Variants in DNM3 observed in about 807,000 individuals in gnomAD.
DNM3 encodes the protein dynamin 3.
A neutral mutation model predicts 101.6 loss-of-function variants in DNM3; 47 were observed. That is an observed-to-expected ratio of 0.46 (90% CI 0.37 to 0.59). The LOEUF is 0.59. Ranked by LOEUF, DNM3 falls within the 20% of genes least tolerant of loss-of-function variation. The probability of loss-of-function intolerance (pLI) is 0.00; values close to 1 mark genes in which losing one functional copy is unlikely to be tolerated. For synonymous variants in DNM3, 385 were observed against 387.9 expected (o/e 0.99, Z 0.09); for missense variants, 849 against 1,085.7 (o/e 0.78, Z 3.06).
At chr1:172,179,441 A>G (rs2059268850) in intron 14 of DNM3, among the ~76,000 whole-genome samples, 2 of 152,036 alleles carry the variant, frequency 1.3e-5, no homozygotes, top group African/African-American at 4.8e-5. Context: ...TATAATTATC[A>G]TTAAAGTGAT....
At chr1:172,186,632 C>G (rs1031834153) in intron 14 of DNM3, among the ~76,000 whole-genome samples, 3 of 152,036 alleles carry the variant, frequency 2.0e-5, no homozygotes, top group African/African-American at 7.2e-5. Flanking sequence ...CTTGCTTCTT[C>G]AAGGGACTTC....
chr1:172,413,173 T>C (rs1275263862), downstream of DNM3, among the ~76,000 whole-genome samples: 4 of 152,222 alleles, frequency 2.6e-5, no homozygotes, highest in African/African-American at 9.7e-5. Context: ...GCCTCTGTTA[T>C]TTGTTCACTG....
chr1:172,012,128 A>G (rs1242448186), intron 4 of DNM3, among the ~76,000 whole-genome samples: 2 of 151,970 alleles, frequency 1.3e-5, no homozygotes, highest in African/African-American at 4.8e-5. Context: ...CAATAAGTAG[A>G]CTCAAACATG....
intron 2 of DNM3, among the ~76,000 whole-genome samples, chr1:171,986,504 A>G (rs1416072764): frequency 1.3e-5 from 2 of 152,182 alleles, no homozygotes; most frequent in African/African-American, 4.8e-5. Context: ...TGCAGTAACT[A>G]AAGTGCCCGT....
chr1:171,919,150 G>T (rs2039956635), intron 1 of DNM3, among the ~76,000 whole-genome samples: 1 of 149,870 alleles, frequency 6.7e-6, no homozygotes, highest in Non-Finnish European at 1.5e-5. Flanking sequence ...TTTATATCCT[G>T]ACTTAAATTT....
chr1:172,152,870 AG>A (rs1178268298), intron 14 of DNM3, among the ~76,000 whole-genome samples: 2 of 152,186 alleles, frequency 1.3e-5, no homozygotes, highest in Non-Finnish European at 2.9e-5. Context: ...TAACTGTGTA[AG>A]ATAACTTGCT....
intron 13 of DNM3, among the ~76,000 whole-genome samples, chr1:172,106,534 C>T (rs1488721848): frequency 6.6e-6 from 1 of 152,030 alleles, no homozygotes; most frequent in East Asian, 1.9e-4. Flanking sequence ...ATAACAAACC[C>T]CCATGACACA....
chr1:172,359,648 T>C (rs2067641924), intron 17 of DNM3, among the ~76,000 whole-genome samples: 4 of 151,020 alleles, frequency 2.6e-5, no homozygotes, highest in Admixed American at 2.6e-4. Flanking sequence ...AAACCTTAAG[T>C]AGCTCTTGGC....
At chr1:171,919,583 A>G (rs1477125123) in intron 1 of DNM3, among the ~76,000 whole-genome samples, 2 of 152,140 alleles carry the variant, frequency 1.3e-5, no homozygotes, top group Non-Finnish European at 1.5e-5. Flanking sequence ...TTTGATTCTC[A>G]AATTAACCTG....
At chr1:172,076,843 G>A (rs577402862) in intron 11 of DNM3, among the ~76,000 whole-genome samples, 2 of 152,214 alleles carry the variant, frequency 1.3e-5, no homozygotes, top group Non-Finnish European at 2.9e-5. Flanking sequence ...ATGAGTTAGG[G>A]AGGAGTTCCT....
chr1:172,080,035 G>T lies in DNM3; in HGVS notation c.1423-1797G>T, dbSNP rs953962846. ...GGCACCCACCAGATGCCAGCCGGGG[G>T]TCTCCTGTATGAGGTGTCTGTTGAT... On this transcript the variant is annotated intron_variant, in intron 11 of 20. Transcript: ENST00000627582. Among the ~76,000 whole-genome samples the T allele has an allele frequency of 6.6e-5, 10 of 152,224 alleles. No homozygotes were observed. The East Asian group carries it at 1.7e-3, about 26-fold the overall frequency.
chr1:171,972,880 A>ACAG (rs1413273919), intron 2 of DNM3, among the ~76,000 whole-genome samples: 3 of 151,650 alleles, frequency 2.0e-5, no homozygotes, highest in African/African-American at 7.3e-5. Flanking sequence ...AACAACAACA[A>ACAG]CAACAACAAC....
chr1:172,382,518 A>T (rs968058955), intron 18 of DNM3, among the ~76,000 whole-genome samples: 4 of 152,154 alleles, frequency 2.6e-5, no homozygotes, highest in African/African-American at 9.7e-5. Flanking sequence ...CTTGCCCAAG[A>T]TCACACAGCT....
At chr1:171,883,756 C>T (rs2036529708) in intron 1 of DNM3, among the ~76,000 whole-genome samples, 1 of 152,168 alleles carries the variant, frequency 6.6e-6, no homozygotes, top group South Asian at 2.1e-4. Context: ...AGGCATGAGC[C>T]ACCGCACCCA....
At chr1:172,039,828 T>C (rs938968171) in intron 7 of DNM3, among the ~76,000 whole-genome samples, 4 of 152,150 alleles carry the variant, frequency 2.6e-5, no homozygotes, top group Admixed American at 2.6e-4. Context: ...ACTCAGTGTC[T>C]GGTTCTGTGA....
intron 20 of DNM3, among the ~76,000 whole-genome samples, chr1:172,400,406 T>TAGGAAGAAAGGAGGGAAGG (rs1490911980): frequency 6.8e-6 from 1 of 147,516 alleles, no homozygotes; most frequent in African/African-American, 2.5e-5. Flanking sequence ...AGAAGGGAGA[T>TAGGAAGAAAGGAGGGAAGG]AGGAAGAAAG....
chr1:171,880,559 G>C (rs2036179458), intron 1 of DNM3, among the ~76,000 whole-genome samples: 1 of 152,098 alleles, frequency 6.6e-6, no homozygotes, highest in South Asian at 2.1e-4. Context: ...GTCTATGAAG[G>C]TTAAATAGCA....
intron 4 of DNM3, 99 bp from the exon 5 acceptor site, chr1:172,032,303 A>T: frequency 1.1e-6 from 1 of 875,340 alleles, no homozygotes; most frequent in South Asian, 1.6e-5. Flanking sequence ...TGGGAAAAGG[A>T]CCAGGAAAAT....
intron 17 of DNM3, among the ~76,000 whole-genome samples, chr1:172,355,356 G>C (rs959800835): frequency 1.3e-5 from 2 of 152,102 alleles, no homozygotes; most frequent in Non-Finnish European, 2.9e-5. Flanking sequence ...TGACAAATTT[G>C]AGAAAGGAAC....
Sources: allele counts gnomAD v4.1 joint callset (sites outside exome capture counted in the v4.1 genomes callset), GRCh38; gene constraint gnomAD v4.1.1; transcripts MANE v1.5; gene names NCBI Gene and HGNC (gene_info 2026-07-23, HGNC 2026-07-21).